The following EHMT1 variants were observed in gnomAD, a reference collection of about 807,000 sequenced individuals.
EHMT1 encodes euchromatic histone lysine methyltransferase 1.
Under a neutral mutation model 147.2 loss-of-function variants are expected in EHMT1, and 15 were observed. The ratio of observed to expected loss-of-function variants is 0.10; its 90% confidence interval spans 0.07 to 0.16. The LOEUF is 0.16. Ranked by LOEUF, EHMT1 falls within the 10% of genes least tolerant of loss-of-function variation. The pLI, the probability that EHMT1 is intolerant of heterozygous loss-of-function variation, is 1.00. For missense variants in EHMT1, 1,587 were observed against 1,772.4 expected, an observed-to-expected ratio of 0.90 and a Z score of 1.88; for synonymous variants, 795 against 709.6, an observed-to-expected ratio of 1.12 and a Z score of -1.91.
At chr9:137,826,906 A>C (rs1955846331) in intron 25 of EHMT1, among the ~76,000 whole-genome samples, 1 of 152,212 alleles carries the variant, frequency 6.6e-6, no homozygotes, top group South Asian at 2.1e-4. Flanking sequence ...TAAGGACTGC[A>C]ACTTACCAGG....
chr9:137,716,702 C>G lies in EHMT1; in HGVS notation c.162C>G (p.Thr54=), dbSNP rs200372336. Residue 54 remains threonine (T), a synonymous_variant, in exon 3 of 27, where the codon ACC becomes ACG. Transcript: ENST00000460843. The part of the protein sequence containing the change: ...GEAHMAADGE[T]NGSCENSDAS... ...CCCACATGGCTGCGGACGGTGAGAC[C>G]AATGGGTCTTGTGAAAACAGCGATG... The G allele has an allele frequency of 1.7e-5, 28 of 1,610,260 alleles. No homozygotes were observed. The South Asian group carries it at 2.9e-4, about 16-fold the overall frequency.
intron 1 of EHMT1, among the ~76,000 whole-genome samples, chr9:137,634,651 G>T (rs1843853888): frequency 1.4e-5 from 2 of 142,240 alleles, no homozygotes; most frequent in African/African-American, 2.6e-5. Flanking sequence ...TTTCAAGATT[G>T]GGTCCCTTGC....
rs1554858061 is a variant in EHMT1 at position 137,742,287 on chromosome 9, ATT to A, written c.824-1082_824-1081del. On this transcript the variant is annotated intron_variant, in intron 4 of 26. Transcript: ENST00000460843. Reference sequence around the variant, plus strand: ...TTGCTTCTGCACTTTGTAGAACCAAATTTGTGTGTGTGTGTGTGTGTGTGTGT... The same window carrying A: ...TTGCTTCTGCACTTTGTAGAACCAAATGTGTGTGTGTGTGTGTGTGTGTGT... Among the ~76,000 whole-genome samples the A allele has an allele frequency of 3.3e-4, 31 of 94,560 alleles. No individual in the cohort carries two copies. In the South Asian group the frequency reaches 3.8e-3, roughly 11 times the overall value. The allele number at this position is 94,560 out of a possible 152,430, so 62.0% of individuals were successfully genotyped here. A position where few individuals can be genotyped will look rare whatever the true frequency, so the allele number is the denominator to read the frequency against.
Position 137,787,758 on chromosome 9 carries a change from A to T in EHMT1, c.2383-3090A>T. On this transcript the variant is annotated intron_variant, in intron 15 of 26. Transcript: ENST00000460843. This position sits in a 1 kb window ranked among gnomAD's most constrained non-coding sequence, Gnocchi z 4.2. ...ACATCGTAGATGCTTTTGTTGGGTG[A>T]CACACCCTGGAAGAGGGCGTCTAGA... is the stretch of plus-strand genomic sequence containing the variant. The T allele has an allele frequency of 1.2e-6, 1 of 803,948 alleles. No homozygotes were observed. The highest frequency in any genetic ancestry group is 2.2e-6 in the Non-Finnish European group (1 of 456,360). The allele number at this position is 803,948 out of a possible 1,614,324, so 49.8% of individuals were successfully genotyped here.
chr9:137,795,401 G>GCACACACACACACACACACACA (rs554055210), intron 16 of EHMT1, among the ~76,000 whole-genome samples: 3,247 of 130,098 alleles, frequency 0.025, 65 homozygotes, highest in East Asian at 0.078. Context: ...ATCGCAGGGT[G>GCACACACACACACACACACACA]CACACACACA....
intron 2 of EHMT1, among the ~76,000 whole-genome samples, chr9:137,713,503 C>T (rs2135432850): frequency 1.3e-5 from 2 of 151,786 alleles, no homozygotes; most frequent in East Asian, 2.0e-4. Flanking sequence ...CATCTCCTGA[C>T]CTCATGATCC....
chr9:137,641,535 C>A, intron 1 of EHMT1: 1 of 356,724 alleles, frequency 2.8e-6, no homozygotes. Flanking sequence ...GGAATCAATT[C>A]TCATCTGCCC....
intron 6 of EHMT1, among the ~76,000 whole-genome samples, chr9:137,749,629 C>A (rs1948819507): frequency 6.6e-6 from 1 of 152,136 alleles, no homozygotes; most frequent in African/African-American, 2.4e-5. Context: ...AGTGGTTACC[C>A]CTTCTCTTTC....
At chr9:137,686,295 G>A (rs1942421452) in intron 1 of EHMT1, among the ~76,000 whole-genome samples, 1 of 152,124 alleles carries the variant, frequency 6.6e-6, no homozygotes, top group South Asian at 2.1e-4. Context: ...ACTCAAGGTT[G>A]TGAAGACTTA....
intron 15 of EHMT1, chr9:137,784,111 C>T (rs1256776459): frequency 1.4e-6 from 2 of 1,397,438 alleles, no homozygotes; most frequent in Admixed American, 3.9e-5. Flanking sequence ...CACAGTTCTG[C>T]AGGCTGGGAA....
chr9:137,652,079 A>C (rs1274471838), intron 1 of EHMT1, among the ~76,000 whole-genome samples: 3 of 152,214 alleles, frequency 2.0e-5, no homozygotes. Context: ...ACTGTAAAAC[A>C]GTCTCAGGCA....
chr9:137,709,558 G>A (rs1346263861), intron 1 of EHMT1, among the ~76,000 whole-genome samples: 3 of 152,250 alleles, frequency 2.0e-5, no homozygotes, highest in African/African-American at 4.8e-5. Flanking sequence ...CCGGGCTCAG[G>A]TAGGGGCTGG....
intron 1 of EHMT1, among the ~76,000 whole-genome samples, chr9:137,648,077 A>C (rs1845036888): frequency 6.6e-6 from 1 of 152,152 alleles, no homozygotes. Context: ...TTACTATAGA[A>C]TGGCTCCTGA....
chr9:137,682,047 T>A (rs1045969179), intron 1 of EHMT1, among the ~76,000 whole-genome samples: 1 of 152,028 alleles, frequency 6.6e-6, no homozygotes, highest in Non-Finnish European at 1.5e-5. Context: ...GCCTCCCGGA[T>A]TCACACCATT....
At chr9:137,712,077 C>G (rs1944788888) in intron 2 of EHMT1, among the ~76,000 whole-genome samples, 1 of 152,204 alleles carries the variant, frequency 6.6e-6, no homozygotes, top group Non-Finnish European at 1.5e-5. Flanking sequence ...CCCCCACCTC[C>G]TGCGCCATCC....
Position 137,635,878 on chromosome 9 carries a change from C to G in EHMT1, c.21+16829C>G, listed in dbSNP as rs528707283. ...GTATAAGTTTTGTAGTTATTTCTTA[C>G]AAGTATTTTATTCTTTTTGATGCTT... On this transcript the variant is annotated intron_variant, in intron 1 of 26. Coordinates refer to ENST00000460843, the MANE Select transcript of EHMT1 (RefSeq NM_024757.5). 1.4e-4 allele frequency among the ~76,000 whole-genome samples: 21 copies of G among 151,908 alleles called. No individual in the cohort carries two copies. The East Asian group carries it at 3.7e-3, about 27-fold the overall frequency.
At chr9:137,734,055 T>C (rs1432459755) in intron 4 of EHMT1, among the ~76,000 whole-genome samples, 1 of 152,130 alleles carries the variant, frequency 6.6e-6, no homozygotes, top group Non-Finnish European at 1.5e-5. Flanking sequence ...ATTATTGGAT[T>C]CAAATGTCCA....
intron 21 of EHMT1, chr9:137,814,216 C>G (rs749072583): frequency 1.1e-4 from 73 of 642,594 alleles, no homozygotes; most frequent in Non-Finnish European, 1.9e-4. Context: ...CCCTGTCCCT[C>G]TGTCAGGGTC....
At chr9:137,815,860 C>T in intron 22 of EHMT1, 87 bp from the exon 23 acceptor site, 2 of 1,147,666 alleles carry the variant, frequency 1.7e-6, no homozygotes, top group Non-Finnish European at 2.6e-6. Context: ...TTAAGCCACA[C>T]TGGGCACTTA....
Sources: allele counts gnomAD v4.1 joint callset (sites outside exome capture counted in the v4.1 genomes callset), GRCh38; gene constraint gnomAD v4.1.1; non-coding constraint Gnocchi (gnomAD v3.1); transcripts MANE v1.5; gene names NCBI Gene and HGNC (gene_info 2026-07-23, HGNC 2026-07-21).